The following MLLT10 variants were observed in gnomAD, a reference collection of about 807,000 sequenced individuals.
MLLT10 encodes the protein protein AF-10.
A neutral mutation model predicts 129.1 loss-of-function variants in MLLT10; 30 were observed. The observed-to-expected ratio is 0.23, with a 90% CI of 0.17 to 0.32. MLLT10 has a LOEUF of 0.32. Ranked by LOEUF, MLLT10 falls within the 10% of genes least tolerant of loss-of-function variation. The pLI, the probability that MLLT10 is intolerant of heterozygous loss-of-function variation, is 1.00. For synonymous variants in MLLT10, 490 were observed against 446.4 expected (o/e 1.10, Z -1.23); for missense variants, 1,119 against 1,268.3 (o/e 0.88, Z 1.79).
At chr10:21,686,296 C>T (rs2053285780) in intron 13 of MLLT10, among the ~76,000 whole-genome samples, 1 of 152,070 alleles carries the variant, frequency 6.6e-6, no homozygotes, top group Admixed American at 6.6e-5. Flanking sequence ...GACTACTTTC[C>T]CTTTCCAAAC....
chr10:21,534,884 G>A, intron 2 of MLLT10, 80 bp downstream of exon 2: 1 of 1,035,310 alleles, frequency 9.7e-7, no homozygotes, highest in South Asian at 3.8e-5. Flanking sequence ...CGCAACCGCC[G>A]GCGCCCCCGC....
chr10:21,658,027 A>G (rs1193458980), intron 9 of MLLT10, among the ~76,000 whole-genome samples: 1 of 152,188 alleles, frequency 6.6e-6, no homozygotes, highest in East Asian at 1.9e-4. Context: ...AACACAATAC[A>G]ATTATATTTA....
intron 13 of MLLT10, among the ~76,000 whole-genome samples, chr10:21,699,443 C>T (rs985800376): frequency 1.3e-5 from 2 of 151,986 alleles, no homozygotes; most frequent in Non-Finnish European, 2.9e-5. Context: ...GCCATAAAAT[C>T]TTTGCCTAGA....
At chr10:21,533,990 G>A (rs1037309090), upstream of MLLT10, among the ~76,000 whole-genome samples, 3 of 151,994 alleles carry the variant, frequency 2.0e-5, no homozygotes, top group Admixed American at 6.6e-5. Context: ...CACCAGCGCT[G>A]CAGAGGGCGG....
intron 9 of MLLT10, among the ~76,000 whole-genome samples, chr10:21,665,301 T>TTTTG (rs1491305314): frequency 8.9e-6 from 1 of 112,960 alleles, no homozygotes; most frequent in African/African-American, 3.8e-5. Context: ...TTGTTTTTTT[T>TTTTG]GGGGGGGGGG....
chr10:21,555,886 C>T (rs1239508482), intron 3 of MLLT10, among the ~76,000 whole-genome samples: 6 of 151,390 alleles, frequency 4.0e-5, no homozygotes, highest in Non-Finnish European at 7.4e-5. Context: ...AGGCTGGTCT[C>T]GAACTCCCGA....
rs1350764298 is a variant in MLLT10, at chr10:21,740,231, G to A, written c.3157G>A (p.Val1053Ile). 31 of 1,613,682 alleles carry A rather than the reference G, an allele frequency of 1.9e-5. 1 individual carries two copies. Among genetic ancestry groups the A allele is most frequent in the Non-Finnish European group, 2.5e-5 (30 of 1,179,602 alleles). The change falls in exon 22 of 23, where the codon GTA becomes ATA. Residue 1053 changes from valine (V) to isoleucine (I), a missense_variant. By Grantham distance (29) the Val-to-Ile change is conservative. This residue lies in a region of MLLT10 where 1,004 missense variants were observed against 1,008.7 expected (regional missense o/e 1.00). Transcript: ENST00000307729. ...CCATGGAGATAATGCAAGTCAGAAAGTAGCAGTAAGTATATTTTCCTTACT... is the reference window on the plus strand; with the variant it reads ...CCATGGAGATAATGCAAGTCAGAAAATAGCAGTAAGTATATTTTCCTTACT... The part of the protein sequence containing the change: ...TIHGDNASQK[V>I]ARLSDKTGPV...
chr10:21,688,226 C>A (rs1314899737), intron 13 of MLLT10, among the ~76,000 whole-genome samples: 3 of 152,146 alleles, frequency 2.0e-5, no homozygotes, highest in Non-Finnish European at 2.9e-5. Flanking sequence ...CTGAAAAGTT[C>A]CAACTGAGTG....
At chr10:21,578,435 G>C (rs1285222268) in intron 3 of MLLT10, among the ~76,000 whole-genome samples, 2 of 152,008 alleles carry the variant, frequency 1.3e-5, no homozygotes, top group African/African-American at 4.8e-5. Flanking sequence ...TTTCCTGATG[G>C]TTTTGTTTGT....
At chr10:21,682,303 G>C (rs1465847764) in intron 13 of MLLT10, 46 bp downstream of exon 13, 1 of 1,551,508 alleles carries the variant, frequency 6.4e-7, no homozygotes, top group Non-Finnish European at 8.8e-7. Context: ...TATCACAAAG[G>C]TTGCCTTTTG....
rs189257622 is a variant in MLLT10 at position 21,604,810 on chromosome 10, C to G, written c.406-7538C>G. On this transcript the variant is annotated intron_variant, in intron 5 of 22. Transcript: ENST00000307729. ...TCTCTGTGGCTTGATATTCCGTTCTCTAGGTGCATTGACACGGCCTTACCC... is the reference window on the plus strand; with the variant it reads ...TCTCTGTGGCTTGATATTCCGTTCTGTAGGTGCATTGACACGGCCTTACCC... 2.9e-3 allele frequency among the ~76,000 whole-genome samples: 437 copies of G among 151,454 alleles called. 5 individuals carry two copies. Among genetic ancestry groups the G allele is most frequent in the Middle Eastern group, 0.01 (3 of 286 alleles).
At chr10:21,579,163 A>G (rs2041105571) in intron 3 of MLLT10, among the ~76,000 whole-genome samples, 1 of 152,130 alleles carries the variant, frequency 6.6e-6, no homozygotes, top group Admixed American at 6.6e-5. Context: ...TCTCTTAGCA[A>G]TTTAAGTATT....
chr10:21,687,190 A>G lies in MLLT10; in HGVS notation c.1699+4933A>G, dbSNP rs1302917982. On this transcript the variant is annotated intron_variant, in intron 13 of 22. Coordinates refer to ENST00000307729, the MANE Select transcript of MLLT10 (RefSeq NM_001195626.3). ...AACCAGTTATTCATATAGGTGCTGT[A>G]GGATGAGTATACGTATAAATGCCAG... 2.0e-5 allele frequency among the ~76,000 whole-genome samples: 3 copies of G among 152,234 alleles called. No homozygotes were observed. The East Asian group carries it at 5.8e-4, about 29-fold the overall frequency.
chr10:21,557,134 C>T (rs1055017561), intron 3 of MLLT10: 44 of 1,376,412 alleles, frequency 3.2e-5, no homozygotes, highest in Non-Finnish European at 3.9e-5. Context: ...GTCTTTTCCT[C>T]TTCGCTGTTA....
chr10:21,608,365 T>G (rs1255141006), intron 5 of MLLT10, among the ~76,000 whole-genome samples: 1 of 150,548 alleles, frequency 6.6e-6, no homozygotes, highest in Non-Finnish European at 1.5e-5. Flanking sequence ...AAAGTAGAGG[T>G]GAGGTTTTGC....
chr10:21,725,008 C>T (rs548220808), intron 14 of MLLT10, among the ~76,000 whole-genome samples: 1 of 152,322 alleles, frequency 6.6e-6, no homozygotes, highest in African/African-American at 2.4e-5. Flanking sequence ...TCGTTGAGTC[C>T]TGCATTGTAT....
chr10:21,610,564 A>C (rs2044501785), intron 5 of MLLT10, among the ~76,000 whole-genome samples: 1 of 151,866 alleles, frequency 6.6e-6, no homozygotes, highest in Non-Finnish European at 1.5e-5. Flanking sequence ...TCACCTGTGA[A>C]ATGGTTACTT....
chr10:21,564,824 CAAA>C (rs372061828), intron 3 of MLLT10, among the ~76,000 whole-genome samples: 6 of 74,040 alleles, frequency 8.1e-5, no homozygotes, highest in Admixed American at 1.6e-4. Flanking sequence ...AACTCCATCT[CAAA>C]AAAAAAAAAA....
At position 21,538,027 on chromosome 10, in the gene MLLT10, G is replaced by T. The variant is rs946064739; in HGVS notation, c.161-806G>T. Among the ~76,000 whole-genome samples, 16 of 151,350 alleles carry T rather than the reference G, an allele frequency of 1.1e-4. 1 individual carries two copies. Among genetic ancestry groups the T allele is most frequent in the African/African-American group, 3.6e-4 (15 of 41,254 alleles). Reference sequence around the variant, plus strand: ...CATACCTTTTTTTTTTTGAGATAGGGTCTCCCTCTGTTGCCCAGGCTGGAG... The same window carrying T: ...CATACCTTTTTTTTTTTGAGATAGGTTCTCCCTCTGTTGCCCAGGCTGGAG... On this transcript the variant is annotated intron_variant, in intron 2 of 22. Transcript: ENST00000307729.
Sources: allele counts gnomAD v4.1 joint callset (sites outside exome capture counted in the v4.1 genomes callset), GRCh38; gene constraint gnomAD v4.1.1; regional missense constraint gnomAD v4.1.1; transcripts MANE v1.5; gene names NCBI Gene and HGNC (gene_info 2026-07-23, HGNC 2026-07-21).